The following SLC18A2 variants were observed in gnomAD, a reference collection of about 807,000 sequenced individuals.
SLC18A2 encodes the protein synaptic vesicular amine transporter.
Under a neutral mutation model 59.2 loss-of-function variants are expected in SLC18A2, and 33 were observed. The observed-to-expected ratio is 0.56, with a 90% CI of 0.42 to 0.75. The LOEUF (loss-of-function observed/expected upper bound fraction) is 0.75, where lower values mean the gene tolerates loss of function less well. SLC18A2 is among the 30% of genes least tolerant of loss of function. SLC18A2 has a pLI of 0.00. For synonymous variants in SLC18A2, 228 were observed against 253.5 expected (o/e 0.90, Z 0.95); for missense variants, 569 against 668.6 (o/e 0.85, Z 1.64).
At chr10:117,261,647 T>C (rs370639293) in intron 10 of SLC18A2, among the ~76,000 whole-genome samples, 69 of 152,346 alleles carry the variant, frequency 4.5e-4, no homozygotes, top group African/African-American at 1.6e-3. Context: ...AGACTTTCCC[T>C]GTTCTGCCTG....
At chr10:117,266,612 T>G (rs1250995443) in intron 10 of SLC18A2, 121 bp from the exon 11 acceptor site, 1 of 739,314 alleles carries the variant, frequency 1.4e-6, no homozygotes, top group Non-Finnish European at 2.2e-6. Context: ...GCTGCTGGGG[T>G]GTGGGCCCCG....
chr10:117,243,016 G>C (rs1844072449), intron 2 of SLC18A2, among the ~76,000 whole-genome samples: 1 of 152,170 alleles, frequency 6.6e-6, no homozygotes, highest in Non-Finnish European at 1.5e-5. Context: ...ACAGGCCTGA[G>C]CCACCGTGCC....
In SLC18A2 at chr10:117,243,981, C is replaced by G. The variant is rs1249932065; in HGVS notation, c.132C>G (p.Ile44Met). 1 of 1,612,184 alleles carries G rather than the reference C, an allele frequency of 6.2e-7. No homozygotes were observed. The highest frequency in any genetic ancestry group is 8.5e-7 in the Non-Finnish European group (1 of 1,178,704). ...TGCTCTTATCCCCAGTCCCCATCAT[C>G]CCAAGTTATCTGTACAGCATTAAGC... ...NMLLTVVVPI[I>M]PSYLYSIKHE... Residue 44 changes from isoleucine to methionine, a missense_variant, in exon 3 of 16, where the codon ATC (isoleucine) becomes ATG (methionine). Around this residue, in one of 2 missense-constraint regions of SLC18A2, gnomAD observed 377 missense variants for 389.8 expected, o/e 0.97. Coordinates refer to ENST00000644641, the MANE Select transcript of SLC18A2 (RefSeq NM_003054.6).
intron 15 of SLC18A2, among the ~76,000 whole-genome samples, chr10:117,273,050 T>C (rs1844444575): frequency 6.6e-6 from 1 of 152,244 alleles, no homozygotes; most frequent in Admixed American, 6.5e-5. Flanking sequence ...CAAATCATTC[T>C]TCCATTAGAC....
intron 3 of SLC18A2, among the ~76,000 whole-genome samples, chr10:117,252,625 G>C (rs1414667770): frequency 6.6e-6 from 1 of 152,204 alleles, no homozygotes; most frequent in Non-Finnish European, 1.5e-5. Context: ...TGAGGGAGGA[G>C]ATGACATTTC....
In SLC18A2 at chr10:117,278,585, T is replaced by A. The variant is rs363235; in HGVS notation, c.*1319T>A. ...TGTGGAATGTCTCTAATACTACTTG[T>A]GAATCCTGCAGTTCTATAATCATAA... On this transcript the variant is annotated 3_prime_UTR_variant, in exon 16 of 16. Coordinates refer to ENST00000644641, the MANE Select transcript of SLC18A2 (RefSeq NM_003054.6). 0.77 allele frequency: 116,912 copies of A among 152,108 alleles called. 45,598 individuals carry two copies. The highest frequency in any genetic ancestry group is 0.85 in the Non-Finnish European group (57,778 of 68,026). The allele number at this position is 152,108 out of a possible 1,614,324, so 9.4% of individuals were successfully genotyped here.
In SLC18A2 at chr10:117,266,798, C is replaced by T; in HGVS notation, c.1057C>T (p.His353Tyr). 6.2e-7 allele frequency: 1 copy of T among 1,613,286 alleles called. No individual in the cohort carries two copies. The highest frequency in any genetic ancestry group is 8.5e-7 in the Non-Finnish European group (1 of 1,179,436). The change falls in exon 11 of 16, where the codon CAC becomes TAC. Residue 353 changes from histidine (H) to tyrosine (Y), a missense_variant. His to Tyr is a moderately conservative substitution (Grantham distance 83). Transcript: ENST00000644641. ...IGTNIFGILA[H>Y]KMGRWLCALL... ...AACCAATATTTTTGGGATACTTGCA[C>T]ACAAAATGGGGAGGTAAGATGATAT...
At chr10:117,246,781 T>A (rs1844114463) in intron 3 of SLC18A2, among the ~76,000 whole-genome samples, 1 of 152,096 alleles carries the variant, frequency 6.6e-6, no homozygotes, top group Non-Finnish European at 1.5e-5. Flanking sequence ...GTCTCCTCAG[T>A]AGCTGGGATT....
At chr10:117,252,593 A>C (rs1284167625) in intron 3 of SLC18A2, among the ~76,000 whole-genome samples, 1 of 152,184 alleles carries the variant, frequency 6.6e-6, no homozygotes, top group Non-Finnish European at 1.5e-5. Context: ...CAGCAGAAAC[A>C]GAGGACAAAG....
intron 2 of SLC18A2, among the ~76,000 whole-genome samples, chr10:117,242,468 G>GA (rs940363589): frequency 2.7e-5 from 4 of 150,864 alleles, no homozygotes; most frequent in Non-Finnish European, 3.0e-5. Flanking sequence ...TTTAATGAAT[G>GA]AAAAAAAAAT....
In SLC18A2 at chr10:117,267,432, G is replaced by A; in HGVS notation, c.1123-241G>A. ...TTGTCAAAACTTGAGGGTGGACTAG[G>A]CTGATCTTTCACATATGCCGGTGAC... On this transcript the variant is annotated intron_variant, in intron 12 of 15. Transcript: ENST00000644641. 2.6e-5 allele frequency: 12 copies of A among 458,178 alleles called. No individual in the cohort carries two copies. The South Asian group carries it at 4.2e-4, about 16-fold the overall frequency. The allele number at this position is 458,178 out of a possible 1,614,324, so 28.4% of individuals were successfully genotyped here.
intron 10 of SLC18A2, among the ~76,000 whole-genome samples, chr10:117,258,180 C>G (rs767215029): frequency 4.6e-5 from 7 of 152,316 alleles, no homozygotes; most frequent in African/African-American, 7.2e-5. Flanking sequence ...ACTAACTGGA[C>G]AGCCATAAAA....
chr10:117,241,642 G>T, intron 1 of SLC18A2, 37 bp from the exon 2 acceptor site: 1 of 1,509,854 alleles, frequency 6.6e-7, no homozygotes, highest in South Asian at 1.2e-5. Context: ...GGGGGTCCAC[G>T]GCCGCCTTGG....
intron 10 of SLC18A2, among the ~76,000 whole-genome samples, chr10:117,258,803 G>A (rs1844259031): frequency 7.7e-6 from 1 of 130,022 alleles, no homozygotes; most frequent in Non-Finnish European, 1.6e-5. Flanking sequence ...GTCTCACTCT[G>A]TCACCCAGGC....
rs1055621240 is a variant in SLC18A2, at chr10:117,278,660, C to T, written c.*1394C>T. On this transcript the variant is annotated 3_prime_UTR_variant, in exon 16 of 16. Transcript: ENST00000644641. ...GCTAAGATTGTGTTTGTGTTAACTT[C>T]GACATCAAGGAGCAAAGAACTTTAG... 9 of 152,142 alleles carry T rather than the reference C, an allele frequency of 5.9e-5. No individual in the cohort carries two copies. Among genetic ancestry groups the T allele is most frequent in the African/African-American group, 2.2e-4 (9 of 41,426 alleles). 9.4% of individuals were successfully genotyped at this position (152,142 alleles called of 1,614,324 possible). A position where few individuals can be genotyped will look rare whatever the true frequency, so the allele number is the denominator to read the frequency against.
chr10:117,264,683 T>TA (rs1379564278), intron 10 of SLC18A2, among the ~76,000 whole-genome samples: 1 of 152,216 alleles, frequency 6.6e-6, no homozygotes, highest in African/African-American at 2.4e-5. Flanking sequence ...TTTATCATGG[T>TA]ATCTGCACTG....
intron 10 of SLC18A2, 23 bp from the exon 11 acceptor site, chr10:117,266,710 G>A (rs363265): frequency 6.4e-7 from 1 of 1,557,738 alleles, no homozygotes; most frequent in South Asian, 1.1e-5. Context: ...CACTGATAAG[G>A]TCTCCTTTTC....
At chr10:117,267,902 C>T in intron 13 of SLC18A2, 166 bp downstream of exon 13, 1 of 499,652 alleles carries the variant, frequency 2.0e-6, no homozygotes, top group Non-Finnish European at 3.7e-6. Flanking sequence ...CGTGTAAAGA[C>T]ACCTGCTTCT....
intron 4 of SLC18A2, among the ~76,000 whole-genome samples, chr10:117,253,785 G>A (rs1324976906): frequency 6.6e-6 from 1 of 152,230 alleles, no homozygotes; most frequent in Non-Finnish European, 1.5e-5. Flanking sequence ...GACGGAGGTT[G>A]CAGTAAGCCG....
Sources: gnomAD v4.1 joint callset for allele counts (sites outside exome capture counted in the v4.1 genomes callset) on GRCh38, gnomAD v4.1.1 for gene constraint, gnomAD v4.1.1 regional missense constraint, MANE v1.5 for transcripts, NCBI Gene and HGNC (gene_info 2026-07-23, HGNC 2026-07-21) for gene names.